The following SLC25A24 variants were observed in gnomAD, a reference collection of about 807,000 sequenced individuals.
SLC25A24 encodes solute carrier family 25 member 24.
SLC25A24 carries 49 observed loss-of-function variants against 60.7 expected under a neutral mutation model. That is an observed-to-expected ratio of 0.81 (90% confidence interval 0.64 to 1.02). SLC25A24 has a LOEUF of 1.02. Ranked by LOEUF, SLC25A24 falls within the 50% of genes least tolerant of loss-of-function variation. The probability of loss-of-function intolerance (pLI) is 0.00; values close to 1 mark genes in which losing one functional copy is unlikely to be tolerated. For synonymous variants in SLC25A24, 202 were observed against 200.6 expected (o/e 1.01, Z -0.06); for missense variants, 564 against 586.3 (o/e 0.96, Z 0.39).
intron 6 of SLC25A24, among the ~76,000 whole-genome samples, chr1:108,154,751 G>GAA (rs879320313): frequency 6.7e-6 from 1 of 148,332 alleles, no homozygotes; most frequent in African/African-American, 2.5e-5. Context: ...GAACTACTTA[G>GAA]AAAAAAAAAA....
At chr1:108,169,829 C>T (rs1647384186) in intron 3 of SLC25A24, among the ~76,000 whole-genome samples, 2 of 152,154 alleles carry the variant, frequency 1.3e-5, no homozygotes, top group South Asian at 2.1e-4. Context: ...TGTCTGTTTT[C>T]AAATTTATTG....
chr1:108,155,511 GATA>G (rs1558012460), intron 5 of SLC25A24, among the ~76,000 whole-genome samples: 3 of 151,180 alleles, frequency 2.0e-5, no homozygotes, highest in African/African-American at 4.9e-5. Flanking sequence ...GTATACTGCA[GATA>G]ATAATATTAT....
At chr1:108,176,953 A>C (rs557651932) in intron 3 of SLC25A24, among the ~76,000 whole-genome samples, 1 of 152,356 alleles carries the variant, frequency 6.6e-6, no homozygotes, top group East Asian at 1.9e-4. Context: ...GATAAAAGAA[A>C]GTACACAGGT....
rs1648405707 is a variant in SLC25A24 at position 108,193,369 on chromosome 1, T to C, written c.183+6587A>G. On this transcript the variant is annotated intron_variant, in intron 1 of 9. Coordinates refer to ENST00000565488, the MANE Select transcript of SLC25A24 (RefSeq NM_013386.5). ...CCCCTTTTGGAGTCCCTAGTGTCTATTGTTCCCATCTTTATGCCCCATTTA... is the reference window on the plus strand; with the variant it reads ...CCCCTTTTGGAGTCCCTAGTGTCTACTGTTCCCATCTTTATGCCCCATTTA... Among the ~76,000 whole-genome samples the C allele has an allele frequency of 1.5e-5, 2 of 137,204 alleles. 1 individual carries two copies. The highest frequency in any genetic ancestry group is 5.4e-4 in the East Asian group (2 of 3,688). The allele number at this position is 137,204 out of a possible 152,430, so 90.0% of individuals were successfully genotyped here.
intron 3 of SLC25A24, among the ~76,000 whole-genome samples, chr1:108,177,782 T>C (rs1647736242): frequency 6.6e-6 from 1 of 152,236 alleles, no homozygotes; most frequent in Admixed American, 6.5e-5. Context: ...ACAATTTATA[T>C]ATTTTATATT....
At chr1:108,187,976 A>G (rs1411708408) in intron 1 of SLC25A24, among the ~76,000 whole-genome samples, 1 of 137,020 alleles carries the variant, frequency 7.3e-6, no homozygotes, top group Non-Finnish European at 1.6e-5. Flanking sequence ...AGTCAATGAT[A>G]GACCATATAT....
At chr1:108,178,597 G>A (rs1433741020) in intron 3 of SLC25A24, among the ~76,000 whole-genome samples, 4 of 152,214 alleles carry the variant, frequency 2.6e-5, no homozygotes, top group African/African-American at 4.8e-5. Flanking sequence ...GGCAGATCAC[G>A]AGGCCAGGAG....
rs74112034 is a variant in SLC25A24, at chr1:108,137,293, G to A, written c.1250-456C>T. On this transcript the variant is annotated intron_variant, in intron 9 of 9. Transcript: ENST00000565488. The stretch of plus-strand genomic sequence containing the variant: ...CTTCTTACTAGACAAGCGCTGAAGA[G>A]AGAACAGTTAAATCTCAGGAAGTAA... 1.0e-3 allele frequency among the ~76,000 whole-genome samples: 159 copies of A among 152,244 alleles called. 1 individual carries two copies. Among genetic ancestry groups the A allele is most frequent in the African/African-American group, 3.7e-3 (152 of 41,544 alleles).
intron 9 of SLC25A24, among the ~76,000 whole-genome samples, chr1:108,137,943 A>C (rs1679333741): frequency 6.6e-6 from 1 of 152,184 alleles, no homozygotes; most frequent in South Asian, 2.1e-4. Context: ...CTCCTTAAAT[A>C]CACCATGTTG....
chr1:108,192,405 G>A, intron 1 of SLC25A24: 1 of 932,492 alleles, frequency 1.1e-6, no homozygotes, highest in Non-Finnish European at 1.6e-6. Context: ...GGTCAAGCTT[G>A]ACAACATGTA....
At chr1:108,164,063 T>G (rs1435423372) in intron 3 of SLC25A24, among the ~76,000 whole-genome samples, 2 of 152,190 alleles carry the variant, frequency 1.3e-5, no homozygotes, top group Non-Finnish European at 2.9e-5. Context: ...GTGGTTTTTG[T>G]CTTTGGTTCT....
At chr1:108,168,046 G>T (rs961621617) in intron 3 of SLC25A24, among the ~76,000 whole-genome samples, 1 of 152,052 alleles carries the variant, frequency 6.6e-6, no homozygotes, top group African/African-American at 2.4e-5. Flanking sequence ...TTTATTTATT[G>T]AATTAATGGA....
At chr1:108,169,698 G>A (rs533329546) in intron 3 of SLC25A24, among the ~76,000 whole-genome samples, 3 of 152,062 alleles carry the variant, frequency 2.0e-5, no homozygotes, top group Non-Finnish European at 4.4e-5. Context: ...TGGGGCTAAC[G>A]TTTTGTTTAT....
intron 1 of SLC25A24, among the ~76,000 whole-genome samples, chr1:108,196,744 G>C (rs1227135252): frequency 3.3e-5 from 5 of 152,130 alleles, no homozygotes; most frequent in Non-Finnish European, 4.4e-5. Context: ...TGGTGGAAGG[G>C]GCAAGGAAGG....
chr1:108,193,564 T>G lies in SLC25A24; in HGVS notation c.183+6392A>C, dbSNP rs1157612696. Among the ~76,000 whole-genome samples the G allele has an allele frequency of 6.4e-5, 9 of 140,246 alleles. 1 individual carries two copies. Among genetic ancestry groups the G allele is most frequent in the Non-Finnish European group, 4.7e-5 (3 of 63,956 alleles). The allele number at this position is 140,246 out of a possible 152,430, so 92.0% of individuals were successfully genotyped here. On this transcript the variant is annotated intron_variant, in intron 1 of 9. Transcript: ENST00000565488. Reference sequence around the variant, plus strand: ...TTCCATGGTGTGTATGTACCACATTTTCTTTATCCAATCTGCTGCTGATGG... The same window carrying G: ...TTCCATGGTGTGTATGTACCACATTGTCTTTATCCAATCTGCTGCTGATGG...
intron 4 of SLC25A24, among the ~76,000 whole-genome samples, chr1:108,157,924 G>C (rs924127293): frequency 1.3e-5 from 2 of 152,138 alleles, no homozygotes; most frequent in African/African-American, 4.8e-5. Flanking sequence ...TAAAATGAAA[G>C]GGCAGCATTT....
Position 108,167,492 on chromosome 1 carries a change from G to C in SLC25A24, c.399-6199C>G, listed in dbSNP as rs142469870. On this transcript the variant is annotated intron_variant, in intron 3 of 9. Coordinates refer to ENST00000565488, the MANE Select transcript of SLC25A24 (RefSeq NM_013386.5). ...AGCCAGGTGCAGGATATAATCTCCT[G>C]GTGCGCCATTTTTTAAGCCCGTCAG... is the stretch of plus-strand genomic sequence containing the variant. Among the ~76,000 whole-genome samples, 658 of 152,314 alleles carry C rather than the reference G, an allele frequency of 4.3e-3. 4 individuals carry two copies. Among genetic ancestry groups the C allele is most frequent in the African/African-American group, 0.015 (610 of 41,578 alleles).
At chr1:108,178,008 C>A (rs937683220) in intron 3 of SLC25A24, among the ~76,000 whole-genome samples, 4 of 151,838 alleles carry the variant, frequency 2.6e-5, no homozygotes, top group African/African-American at 9.7e-5. Flanking sequence ...ACTAAAAATA[C>A]AAAAATTAGC....
chr1:108,157,151 AAAG>A lies in SLC25A24; in HGVS notation c.669+308_669+310del, dbSNP rs770873467. 5.9e-5 allele frequency among the ~76,000 whole-genome samples: 9 copies of A among 152,220 alleles called. No homozygotes were observed. The East Asian group carries it at 1.5e-3, about 26-fold the overall frequency. On this transcript the variant is annotated intron_variant, in intron 5 of 9. Coordinates refer to ENST00000565488, the MANE Select transcript of SLC25A24 (RefSeq NM_013386.5). ...CTTTACTTTTGATAAAGTATATTAA[AAAG>A]AAGGAAACTATAAATCAGGAGAATC...
Sources: gnomAD v4.1 joint callset for allele counts (sites outside exome capture counted in the v4.1 genomes callset) on GRCh38, gnomAD v4.1.1 for gene constraint, MANE v1.5 for transcripts, NCBI Gene and HGNC (gene_info 2026-07-23, HGNC 2026-07-21) for gene names.